The following TFAP2C variants were observed in gnomAD, a reference collection of about 807,000 sequenced individuals.
The protein encoded by TFAP2C is activating enhancer-binding protein 2 gamma.
In TFAP2C, 9 loss-of-function variants were observed where a neutral mutation model predicts 42.9. The ratio of observed to expected loss-of-function variants is 0.21; its 90% CI spans 0.13 to 0.37. The LOEUF is 0.37. Among genes scored for constraint, TFAP2C ranks in the 10% least tolerant of loss-of-function variants. The pLI is 1.00. For synonymous variants in TFAP2C, 264 were observed against 256.0 expected (o/e 1.03, Z -0.30); for missense variants, 462 against 591.7 (o/e 0.78, Z 2.27).
At chr20:56,635,678 A>G (rs1327370738) in intron 5 of TFAP2C, among the ~76,000 whole-genome samples, 3 of 152,160 alleles carry the variant, frequency 2.0e-5, no homozygotes, top group African/African-American at 7.2e-5. Flanking sequence ...TACTTAATAT[A>G]AAGAGAAAAC....
intron 6 of TFAP2C, among the ~76,000 whole-genome samples, chr20:56,637,060 G>T (rs553053777): frequency 6.6e-6 from 1 of 152,120 alleles, no homozygotes; most frequent in African/African-American, 2.4e-5. Context: ...TTGAAAACCC[G>T]ATTTGTTTTG....
At chr20:56,635,387 A>G (rs1987564861) in intron 5 of TFAP2C, among the ~76,000 whole-genome samples, 1 of 152,126 alleles carries the variant, frequency 6.6e-6, no homozygotes, top group South Asian at 2.1e-4. Flanking sequence ...CCCTGGAGCC[A>G]GGGAAGGTAC....
rs1349281671 is a variant in TFAP2C at position 56,637,927 on chromosome 20, A to G, written c.1267A>G (p.Ile423Val). The G allele has an allele frequency of 4.3e-6, 7 of 1,613,390 alleles. No individual in the cohort carries two copies. The highest frequency in any genetic ancestry group is 2.2e-5 in the East Asian group (1 of 44,888). The change falls in exon 7 of 7, where the codon ATA becomes GTA. Residue 423 changes from isoleucine (I) to valine (V), a missense_variant. Ile to Val is a conservative substitution (Grantham distance 29). Around this residue, in one of 5 missense-constraint regions of TFAP2C, gnomAD observed 130 missense variants for 160.8 expected, o/e 0.81. Coordinates refer to ENST00000201031, the MANE Select transcript of TFAP2C (RefSeq NM_003222.4). Reference protein sequence around the residue: ...QNYIKEALIVIDKSYMNPGDQ... With the variant: ...QNYIKEALIVVDKSYMNPGDQ... Reference sequence around the variant, plus strand: ...CTACATCAAAGAAGCCCTGATTGTCATAGACAAATCCTACATGAACCCTGG... The same window carrying G: ...CTACATCAAAGAAGCCCTGATTGTCGTAGACAAATCCTACATGAACCCTGG...
Position 56,630,180 on chromosome 20 carries a change from A to G in TFAP2C, c.48+588A>G. ...TTGAGCTAGAGTTTCGGAGAGTGGGAGGGAAGAAGGAGGCGGCGAGCGGGA... is the reference window on the plus strand; with the variant it reads ...TTGAGCTAGAGTTTCGGAGAGTGGGGGGGAAGAAGGAGGCGGCGAGCGGGA... On this transcript the variant is annotated intron_variant, in intron 1 of 6. Coordinates refer to ENST00000201031, the MANE Select transcript of TFAP2C (RefSeq NM_003222.4). This position sits in a 1 kb window ranked among gnomAD's most constrained non-coding sequence, Gnocchi z 5.1. 1 of 278,794 alleles carries G rather than the reference A, an allele frequency of 3.6e-6. No individual in the cohort carries two copies. The allele number at this position is 278,794 out of a possible 1,614,324, so 17.3% of individuals were successfully genotyped here.
intron 5 of TFAP2C, among the ~76,000 whole-genome samples, chr20:56,634,765 C>T (rs1013641009): frequency 6.6e-6 from 1 of 152,140 alleles, no homozygotes; most frequent in African/African-American, 2.4e-5. Flanking sequence ...TTCTATTCTT[C>T]CCTCCCATCC....
In TFAP2C at chr20:56,630,408, A is replaced by T. The variant is rs1332434855; in HGVS notation, c.49-797A>T. The T allele has an allele frequency of 1.1e-5, 5 of 453,108 alleles. No homozygotes were observed. The East Asian group carries it at 2.9e-4, about 26-fold the overall frequency. 28.1% of individuals were successfully genotyped at this position (453,108 alleles called of 1,614,324 possible). ...CCCCGAGACCCCTGGGCAGATGGGG[A>T]CGCATCCTTTAGAAACTGAGTCGGG... On this transcript the variant is annotated intron_variant, in intron 1 of 6. Coordinates refer to ENST00000201031, the MANE Select transcript of TFAP2C (RefSeq NM_003222.4). The surrounding 1 kb of genome is among the most constrained non-coding windows in gnomAD (Gnocchi z 5.1).
At position 56,633,522 on chromosome 20, in the gene TFAP2C, C is replaced by G; in HGVS notation, c.756C>G (p.Ser252=). 6.2e-7 allele frequency: 1 copy of G among 1,614,112 alleles called. No individual in the cohort carries two copies. The highest frequency in any genetic ancestry group is 1.1e-5 in the South Asian group (1 of 91,068). ...VTVAEVQRRL[S]PPECLNASLL... Reference sequence around the variant, plus strand: ...TGGCTGAAGTACAGAGGCGACTGTCCCCACCTGAATGCTTAAATGCCTCGT... The same window carrying G: ...TGGCTGAAGTACAGAGGCGACTGTCGCCACCTGAATGCTTAAATGCCTCGT... The change falls in exon 4 of 7, where the codon TCC becomes TCG. Residue 252 remains serine, a synonymous_variant. Coordinates refer to ENST00000201031, the MANE Select transcript of TFAP2C (RefSeq NM_003222.4).
rs750848287 is a variant in TFAP2C, at chr20:56,637,833, T to C, written c.1173T>C (p.Ser391=). The C allele has an allele frequency of 1.3e-5, 21 of 1,611,596 alleles. 1 individual carries two copies. In the South Asian group the frequency reaches 2.3e-4, roughly 18 times the overall value. The part of the protein sequence containing the change: ...VLETNIQNCL[S]HFSLITHGFG... ...AGACGAACATACAGAACTGCTTGTC[T>C]CATTTCAGCCTGATTACCCACGGGT... The change falls in exon 7 of 7, where the codon TCT becomes TCC. Residue 391 remains serine (S), a synonymous_variant. Transcript: ENST00000201031.
chr20:56,633,296 G>T (rs1987528884), intron 3 of TFAP2C, 57 bp from the exon 4 acceptor site: 1 of 1,400,690 alleles, frequency 7.1e-7, no homozygotes, highest in Admixed American at 1.9e-5. Context: ...GTTTTGAAAA[G>T]GTCTCTTTTG....
At position 56,632,614 on chromosome 20, in the gene TFAP2C, A is replaced by G. The variant is rs375048902; in HGVS notation, c.587-739A>G. On this transcript the variant is annotated intron_variant, in intron 3 of 6. Coordinates refer to ENST00000201031, the MANE Select transcript of TFAP2C (RefSeq NM_003222.4). ...TTTAAAGAAAAACTCAGAAAAGACT[A>G]CAAATTTTCAGTAAACTTAGAACGT... 3.9e-5 allele frequency among the ~76,000 whole-genome samples: 6 copies of G among 152,230 alleles called. No individual in the cohort carries two copies. The East Asian group carries it at 9.6e-4, about 24-fold the overall frequency.
chr20:56,635,558 TAAA>T (rs932212538), intron 5 of TFAP2C, among the ~76,000 whole-genome samples: 13 of 151,074 alleles, frequency 8.6e-5, no homozygotes, highest in African/African-American at 2.9e-4. Context: ...AAGGCACTAT[TAAA>T]AAAAAAGTAA....
chr20:56,636,844 C>G, intron 6 of TFAP2C, 90 bp downstream of exon 6: 1 of 1,420,028 alleles, frequency 7.0e-7, no homozygotes, highest in Non-Finnish European at 9.5e-7. Context: ...GATGGCTCAA[C>G]AAAGAAATAT....
Position 56,631,104 on chromosome 20 carries a change from T to C in TFAP2C, c.49-101T>C. ...GCAAGCCCCGCCGGGCGGGGTGCGG[T>C]TGGTCCCCCGGGGCCCTCTGCGTAG... is the stretch of plus-strand genomic sequence containing the variant. On this transcript the variant is annotated intron_variant, in intron 1 of 6. Coordinates refer to ENST00000201031, the MANE Select transcript of TFAP2C (RefSeq NM_003222.4). The surrounding 1 kb of genome is among the most constrained non-coding windows in gnomAD (Gnocchi z 6.1). The C allele has an allele frequency of 6.9e-7, 1 of 1,440,138 alleles. No individual in the cohort carries two copies. The highest frequency in any genetic ancestry group is 9.1e-7 in the Non-Finnish European group (1 of 1,102,932). 89.2% of individuals were successfully genotyped at this position (1,440,138 alleles called of 1,614,324 possible).
chr20:56,638,143 C>T lies in TFAP2C; in HGVS notation c.*130C>T. ...GTTACCTACCTTACTATTTAAAGAG[C>T]CTTCACTGGTTCTGCATCACCCGCC... On this transcript the variant is annotated 3_prime_UTR_variant, in exon 7 of 7. Transcript: ENST00000201031. 1.2e-6 allele frequency: 1 copy of T among 802,752 alleles called. No individual in the cohort carries two copies. The highest frequency in any genetic ancestry group is 1.9e-6 in the Non-Finnish European group (1 of 519,988). The allele number at this position is 802,752 out of a possible 1,614,324, so 49.7% of individuals were successfully genotyped here.
At chr20:56,636,582 T>C (rs1410779969) in intron 5 of TFAP2C, 28 bp from the exon 6 acceptor site, 1 of 1,592,344 alleles carries the variant, frequency 6.3e-7, no homozygotes, top group Non-Finnish European at 8.5e-7. Context: ...ACCACAGCCA[T>C]CCTAAAAGCT....
intron 4 of TFAP2C, among the ~76,000 whole-genome samples, chr20:56,633,912 A>G (rs770662439): frequency 1.3e-5 from 2 of 152,164 alleles, no homozygotes; most frequent in Non-Finnish European, 2.9e-5. Context: ...CTCCCATACA[A>G]TTTGAAATAT....
rs1418284982 is a variant in TFAP2C at position 56,631,673 on chromosome 20, C to T, written c.517C>T (p.Gln173Ter). The T allele has an allele frequency of 6.3e-7, 1 of 1,589,446 alleles. No homozygotes were observed. Among genetic ancestry groups the T allele is most frequent in the Non-Finnish European group, 8.5e-7 (1 of 1,170,016 alleles). The change falls in exon 2 of 7, where the codon CAG becomes TAG. Residue 173 changes from glutamine to a stop codon, truncating the protein, a stop_gained. Coordinates refer to ENST00000201031, the MANE Select transcript of TFAP2C (RefSeq NM_003222.4). LOFTEE classifies it high-confidence loss of function. The surrounding 1 kb of genome is among the most constrained non-coding windows in gnomAD (Gnocchi z 6.1). ...CCTGGGGCTCCACGACATGCCTCAC[C>T]AGATGGACGAGGTGCAGGTGAGCGG... Reference protein sequence around the residue: ...ENLGLHDMPHQMDEVQNVDDQ... With the variant: ...ENLGLHDMPH
rs926885836 is a variant in TFAP2C, at chr20:56,630,645, C to T, written c.49-560C>T. On this transcript the variant is annotated intron_variant, in intron 1 of 6. Transcript: ENST00000201031. The surrounding 1 kb of genome is among the most constrained non-coding windows in gnomAD (Gnocchi z 5.1). The stretch of plus-strand genomic sequence containing the variant: ...TCCCAGGGCGGCGCAGGGTGGCGGG[C>T]CCTGCTTTCCGAGCGCCGCCCGCTC... 4.1e-6 allele frequency: 4 copies of T among 971,096 alleles called. No homozygotes were observed. The African/African-American group carries it at 7.0e-5, about 17-fold the overall frequency. The allele number at this position is 971,096 out of a possible 1,614,324, so 60.2% of individuals were successfully genotyped here.
rs920617165 is a variant in TFAP2C at position 56,630,358 on chromosome 20, G to A, written c.48+766G>A. ...GGCGCTTCCGCCAGGAGGCGACAGC[G>A]CCATGTTCCTCCAGGTTCCCGGCGC... is the stretch of plus-strand genomic sequence containing the variant. On this transcript the variant is annotated intron_variant, in intron 1 of 6. Coordinates refer to ENST00000201031, the MANE Select transcript of TFAP2C (RefSeq NM_003222.4). The surrounding 1 kb of genome is among the most constrained non-coding windows in gnomAD (Gnocchi z 5.1). 1 of 458,172 alleles carries A rather than the reference G, an allele frequency of 2.2e-6. No individual in the cohort carries two copies. The highest frequency in any genetic ancestry group is 1.6e-5 in the South Asian group (1 of 63,626). 28.4% of individuals were successfully genotyped at this position (458,172 alleles called of 1,614,324 possible). A position where few individuals can be genotyped will look rare whatever the true frequency, so the allele number is the denominator to read the frequency against.
Sources: gnomAD v4.1 joint callset for allele counts (sites outside exome capture counted in the v4.1 genomes callset) on GRCh38, gnomAD v4.1.1 for gene constraint, gnomAD v4.1.1 regional missense constraint, Gnocchi (gnomAD v3.1) non-coding constraint, MANE v1.5 for transcripts, NCBI Gene and HGNC (gene_info 2026-07-23, HGNC 2026-07-21) for gene names.